SUCLG2: variants seen among roughly 807,000 people sequenced by gnomAD.
SUCLG2 encodes the protein succinate-CoA ligase GDP-forming subunit beta.
SUCLG2 carries 42 observed loss-of-function variants against 47.9 expected under a neutral mutation model. The ratio of observed to expected loss-of-function variants is 0.88; its 90% CI spans 0.69 to 1.14. The LOEUF is 1.14. SUCLG2 is among the 50% of genes most tolerant of loss of function. The probability of loss-of-function intolerance (pLI) is 0.00; values close to 1 mark genes in which losing one functional copy is unlikely to be tolerated. For missense variants in SUCLG2, 571 were observed against 525.9 expected (o/e 1.09, Z -0.84); for synonymous variants, 195 against 197.3 (o/e 0.99, Z 0.10).
At chr3:67,405,402 TAAAC>T (rs1324834880) in intron 9 of SUCLG2, among the ~76,000 whole-genome samples, 13 of 152,196 alleles carry the variant, frequency 8.5e-5, no homozygotes, top group Non-Finnish European at 1.5e-4. Flanking sequence ...ACTGCTCAAA[TAAAC>T]AAACCAACAA....
intron 9 of SUCLG2, among the ~76,000 whole-genome samples, chr3:67,442,301 C>T (rs907481034): frequency 7.9e-5 from 12 of 152,178 alleles, no homozygotes; most frequent in Admixed American, 5.9e-4. Flanking sequence ...TGAGCCACCG[C>T]GCCCGGCCAG....
intron 2 of SUCLG2, among the ~76,000 whole-genome samples, chr3:67,609,178 A>C (rs1051000066): frequency 6.6e-6 from 1 of 152,204 alleles, no homozygotes; most frequent in South Asian, 2.1e-4. Context: ...CTGTGATTCC[A>C]CATCTCCTCC....
chr3:67,589,082 C>A (rs1708094426), intron 2 of SUCLG2, among the ~76,000 whole-genome samples: 1 of 152,182 alleles, frequency 6.6e-6, no homozygotes, highest in Non-Finnish European at 1.5e-5. Context: ...CCCTTGAAGT[C>A]ACCAAGTACC....
chr3:67,569,428 G>A (rs570279928), intron 2 of SUCLG2, among the ~76,000 whole-genome samples: 11 of 152,270 alleles, frequency 7.2e-5, no homozygotes, highest in South Asian at 2.1e-4. Flanking sequence ...TCTTAGGGGC[G>A]GGGCTATCAC....
At chr3:67,502,122 T>C (rs1199421203) in intron 7 of SUCLG2, among the ~76,000 whole-genome samples, 1 of 152,024 alleles carries the variant, frequency 6.6e-6, no homozygotes, top group Non-Finnish European at 1.5e-5. Flanking sequence ...CCTTAACCTA[T>C]GGGATCTGAC....
chr3:67,563,907 C>T (rs924759010), intron 2 of SUCLG2, among the ~76,000 whole-genome samples: 17 of 142,144 alleles, frequency 1.2e-4, no homozygotes, highest in African/African-American at 3.7e-4. Flanking sequence ...TTGCAGTGAG[C>T]GGAGATCTCG....
At chr3:67,615,807 C>T (rs1223620760) in intron 1 of SUCLG2, among the ~76,000 whole-genome samples, 2 of 152,084 alleles carry the variant, frequency 1.3e-5, no homozygotes, top group African/African-American at 4.8e-5. Flanking sequence ...AAGTCTACTT[C>T]CTGGGTATCT....
downstream of SUCLG2, among the ~76,000 whole-genome samples, chr3:67,371,037 G>C (rs778799921): frequency 6.6e-6 from 1 of 152,058 alleles, no homozygotes; most frequent in Non-Finnish European, 1.5e-5. Flanking sequence ...ACTCCAAATT[G>C]AATCTCCAAA....
intron 1 of SUCLG2, among the ~76,000 whole-genome samples, chr3:67,638,036 T>C (rs1389718893): frequency 2.0e-5 from 3 of 152,228 alleles, no homozygotes; most frequent in Non-Finnish European, 4.4e-5. Context: ...ATATGATAAG[T>C]ATTTTTTCAG....
At chr3:67,397,315 T>C (rs2106805425) in intron 10 of SUCLG2, among the ~76,000 whole-genome samples, 1 of 152,120 alleles carries the variant, frequency 6.6e-6, no homozygotes, top group African/African-American at 2.4e-5. Flanking sequence ...GATAAGCAAC[T>C]TCAGCAAAGT....
intron 9 of SUCLG2, among the ~76,000 whole-genome samples, chr3:67,403,820 G>T (rs998843445): frequency 1.3e-5 from 2 of 152,164 alleles, no homozygotes; most frequent in East Asian, 3.9e-4. Context: ...TACAGGTGAG[G>T]CCAAGATTGT....
rs1702873877 is a variant in SUCLG2, at chr3:67,408,884, C to T, written c.1063-8033G>A. On this transcript the variant is annotated intron_variant, in intron 9 of 10. Transcript: ENST00000307227. ...TCTTACTGTAAAGTCCATGTTCGTT[C>T]CACTCCCTCTGGCAGTCTCTCTATA... 1.4e-5 allele frequency: 21 copies of T among 1,475,800 alleles called. 1 individual carries two copies. In the South Asian group the frequency reaches 2.9e-4, roughly 20 times the overall value. The allele number at this position is 1,475,800 out of a possible 1,614,324, so 91.4% of individuals were successfully genotyped here. A position where few individuals can be genotyped will look rare whatever the true frequency, so the allele number is the denominator to read the frequency against.
At chr3:67,598,280 C>G (rs1248604501) in intron 2 of SUCLG2, among the ~76,000 whole-genome samples, 5 of 152,146 alleles carry the variant, frequency 3.3e-5, no homozygotes, top group African/African-American at 1.2e-4. Context: ...CCACGCCCGG[C>G]CAAAACTCTC....
chr3:67,429,218 A>G (rs1703393030), intron 9 of SUCLG2, among the ~76,000 whole-genome samples: 1 of 152,240 alleles, frequency 6.6e-6, no homozygotes, highest in Non-Finnish European at 1.5e-5. Context: ...CGGGTTATCC[A>G]CAAAGGGAAG....
chr3:67,631,226 T>TG (rs1158356466), intron 1 of SUCLG2, among the ~76,000 whole-genome samples: 2 of 152,202 alleles, frequency 1.3e-5, no homozygotes, highest in African/African-American at 4.8e-5. Flanking sequence ...AGAATCTCCC[T>TG]GCTAGTCGTC....
intron 9 of SUCLG2, among the ~76,000 whole-genome samples, chr3:67,449,912 C>T (rs1361276977): frequency 6.6e-6 from 1 of 152,104 alleles, no homozygotes; most frequent in Non-Finnish European, 1.5e-5. Context: ...TGCACTCGGC[C>T]ATGCTGAATA....
At chr3:67,442,121 C>A (rs1316641058) in intron 9 of SUCLG2, among the ~76,000 whole-genome samples, 2 of 147,780 alleles carry the variant, frequency 1.4e-5, no homozygotes, top group African/African-American at 2.5e-5. Context: ...CGCCATTCTC[C>A]TGCCTCAGCC....
At chr3:67,617,114 C>T (rs1314793384) in intron 1 of SUCLG2, among the ~76,000 whole-genome samples, 1 of 152,024 alleles carries the variant, frequency 6.6e-6, no homozygotes, top group Non-Finnish European at 1.5e-5. Flanking sequence ...TGTGTTGGTG[C>T]AAATGAAAAG....
intron 9 of SUCLG2, among the ~76,000 whole-genome samples, chr3:67,474,266 AAAAG>A (rs373606677): frequency 3.3e-5 from 5 of 152,072 alleles, no homozygotes; most frequent in Admixed American, 1.3e-4. Context: ...TCTCAAAAAA[AAAAG>A]AAAGAAAGAA....
Sources: allele counts gnomAD v4.1 joint callset (sites outside exome capture counted in the v4.1 genomes callset), GRCh38; gene constraint gnomAD v4.1.1; transcripts MANE v1.5; gene names NCBI Gene and HGNC (gene_info 2026-07-23, HGNC 2026-07-21).